The following BMP2K variants were observed in gnomAD, a reference collection of about 807,000 sequenced individuals.
BMP2K encodes the protein BMP-2-inducible protein kinase.
In BMP2K, 74 loss-of-function variants were observed where a neutral mutation model predicts 116.0. The observed-to-expected ratio is 0.64, with a 90% CI of 0.53 to 0.77. BMP2K has a LOEUF of 0.77. Among genes scored for constraint, BMP2K ranks in the 30% least tolerant of loss-of-function variants. The pLI, the probability that BMP2K is intolerant of heterozygous loss-of-function variation, is 0.00. For synonymous variants in BMP2K, 486 were observed against 502.5 expected (o/e 0.97, Z 0.44); for missense variants, 1,365 against 1,403.6 (o/e 0.97, Z 0.44).
At chr4:78,829,797 C>T (rs28855804) in intron 2 of BMP2K, among the ~76,000 whole-genome samples, 2,044 of 73,480 alleles carry the variant, frequency 0.028, 34 homozygotes, top group African/African-American at 0.1. Context: ...TTTCTCTTCT[C>T]TTCTCTTCTC....
At chr4:78,884,445 A>G (rs1055578046) in intron 14 of BMP2K, among the ~76,000 whole-genome samples, 19 of 152,218 alleles carry the variant, frequency 1.2e-4, no homozygotes, top group African/African-American at 4.1e-4. Flanking sequence ...CCAGGTAACT[A>G]CATTTTATAC....
chr4:78,912,190 A>C lies in BMP2K; in HGVS notation c.*157A>C, dbSNP rs868061814. 12 of 702,118 alleles carry C rather than the reference A, an allele frequency of 1.7e-5. No homozygotes were observed. In the African/African-American group the frequency reaches 2.0e-4, roughly 12 times the overall value. The allele number at this position is 702,118 out of a possible 1,614,324, so 43.5% of individuals were successfully genotyped here. On this transcript the variant is annotated 3_prime_UTR_variant, in exon 16 of 16. Coordinates refer to ENST00000502613, the MANE Select transcript of BMP2K (RefSeq NM_198892.2). ...AATAAACCAAATAGAAGAATGAAGTATCTCTACAGGGTAGTAACTTGATTC... is the reference window on the plus strand; with the variant it reads ...AATAAACCAAATAGAAGAATGAAGTCTCTCTACAGGGTAGTAACTTGATTC...
intron 3 of BMP2K, among the ~76,000 whole-genome samples, chr4:78,841,587 C>T (rs1206824763): frequency 6.6e-6 from 1 of 151,990 alleles, no homozygotes; most frequent in Admixed American, 6.6e-5. Flanking sequence ...TTTTGAAAGT[C>T]AGATGAGGAA....
rs1727228278 is a variant in BMP2K, at chr4:78,776,383, C to T, written c.-161C>T. The T allele has an allele frequency of 8.9e-6, 6 of 674,136 alleles. No individual in the cohort carries two copies. Among genetic ancestry groups the T allele is most frequent in the Non-Finnish European group, 1.1e-5 (6 of 525,896 alleles). The allele number at this position is 674,136 out of a possible 1,614,324, so 41.8% of individuals were successfully genotyped here. On this transcript the variant is annotated 5_prime_UTR_variant, in exon 1 of 16. Transcript: ENST00000502613. ...CGGAGCCGCGGAGCGGGCGGCGGGGCCCAGGCTGTGCGCTTGGGGAGCGCG... is the reference window on the plus strand; with the variant it reads ...CGGAGCCGCGGAGCGGGCGGCGGGGTCCAGGCTGTGCGCTTGGGGAGCGCG...
chr4:78,892,641 T>G (rs899319547), intron 15 of BMP2K, among the ~76,000 whole-genome samples: 1 of 152,216 alleles, frequency 6.6e-6, no homozygotes, highest in Non-Finnish European at 1.5e-5. Flanking sequence ...ACAAGCATAC[T>G]TTGGAGATAC....
chr4:78,897,471 CTA>C (rs1250821828), intron 15 of BMP2K, among the ~76,000 whole-genome samples: 2 of 151,938 alleles, frequency 1.3e-5, no homozygotes, highest in African/African-American at 2.4e-5. Flanking sequence ...GAAAAATTAA[CTA>C]TATCATAAAA....
intron 15 of BMP2K, among the ~76,000 whole-genome samples, chr4:78,895,831 G>A (rs1002359444): frequency 2.0e-5 from 3 of 152,042 alleles, no homozygotes; most frequent in East Asian, 1.9e-4. Flanking sequence ...GCATGATCAC[G>A]GTTCACTGCA....
chr4:78,893,489 T>G (rs1577967151), intron 15 of BMP2K, among the ~76,000 whole-genome samples: 6 of 152,344 alleles, frequency 3.9e-5, no homozygotes, highest in Admixed American at 3.3e-4. Flanking sequence ...CTTTTCAGGT[T>G]TTCAGTTTAC....
intron 1 of BMP2K, among the ~76,000 whole-genome samples, chr4:78,802,674 A>T (rs1728622681): frequency 6.6e-6 from 1 of 152,168 alleles, no homozygotes; most frequent in South Asian, 2.1e-4. Context: ...TGTTATAGCC[A>T]AATGTTTACT....
At chr4:78,847,580 C>G (rs761682395) in intron 6 of BMP2K, among the ~76,000 whole-genome samples, 38 of 151,470 alleles carry the variant, frequency 2.5e-4, no homozygotes, top group Non-Finnish European at 4.3e-4. Context: ...TTTGGTTGAT[C>G]AAAATATGGA....
chr4:78,822,873 A>G (rs1729689437), intron 1 of BMP2K, among the ~76,000 whole-genome samples: 1 of 152,154 alleles, frequency 6.6e-6, no homozygotes, highest in South Asian at 2.1e-4. Flanking sequence ...TAAATACTTA[A>G]GAATTTGATA....
At chr4:78,777,657 A>G (rs1727308704) in intron 1 of BMP2K, among the ~76,000 whole-genome samples, 1 of 152,226 alleles carries the variant, frequency 6.6e-6, no homozygotes, top group African/African-American at 2.4e-5. Flanking sequence ...CTTTTTGTTG[A>G]TAAATGGCCC....
intron 7 of BMP2K, among the ~76,000 whole-genome samples, chr4:78,855,656 A>G (rs950972943): frequency 6.6e-6 from 1 of 152,176 alleles, no homozygotes; most frequent in South Asian, 2.1e-4. Context: ...TGGTATAGGC[A>G]TAATTAAATC....
chr4:78,911,196 C>T lies in BMP2K; in HGVS notation c.2649C>T (p.His883=). The T allele has an allele frequency of 6.2e-7, 1 of 1,613,788 alleles. No homozygotes were observed. Among genetic ancestry groups the T allele is most frequent in the Non-Finnish European group, 8.5e-7 (1 of 1,179,790 alleles). The change falls in exon 16 of 16, where the codon CAC becomes CAT. Residue 883 remains histidine, a synonymous_variant. Transcript: ENST00000502613. ...AGAATGAAAAGAACCTCCCTCAACA[C>T]AGGTTTCCTGCTGCAGGACTGGAGC... ...QEKNEKNLPQ[H]RFPAAGLEQE... is the part of the protein sequence containing the mutation.
At chr4:78,831,518 T>C (rs1730202114) in intron 2 of BMP2K, among the ~76,000 whole-genome samples, 2 of 152,172 alleles carry the variant, frequency 1.3e-5, no homozygotes, top group Admixed American at 6.5e-5. Context: ...ATTCTCCTTA[T>C]CCAAAAAAAT....
chr4:78,872,490 G>T (rs1732413817), intron 12 of BMP2K, 124 bp from the exon 13 acceptor site: 3 of 824,808 alleles, frequency 3.6e-6, no homozygotes, highest in Middle Eastern at 3.6e-4. Context: ...TTCTGTAGAT[G>T]ATTGTTTTTT....
At chr4:78,858,871 T>C (rs1455989385) in intron 7 of BMP2K, among the ~76,000 whole-genome samples, 2 of 151,928 alleles carry the variant, frequency 1.3e-5, no homozygotes, top group African/African-American at 4.8e-5. Context: ...TTGTGAAATT[T>C]AGAATTAAAA....
chr4:78,821,158 T>C (rs765182811), intron 1 of BMP2K, among the ~76,000 whole-genome samples: 1 of 152,214 alleles, frequency 6.6e-6, no homozygotes, highest in East Asian at 1.9e-4. Flanking sequence ...TTGCTTGTTT[T>C]ACTATCTTGT....
chr4:78,870,645 A>G (rs1732282873), intron 10 of BMP2K, 138 bp from the exon 11 acceptor site: 3 of 1,144,998 alleles, frequency 2.6e-6, no homozygotes, highest in Non-Finnish European at 2.4e-6. Context: ...TATAAACTCT[A>G]TGCATATGGA....
Sources: allele counts gnomAD v4.1 joint callset (sites outside exome capture counted in the v4.1 genomes callset), GRCh38; gene constraint gnomAD v4.1.1; transcripts MANE v1.5; gene names NCBI Gene and HGNC (gene_info 2026-07-23, HGNC 2026-07-21).